ATRN: variants seen among roughly 807,000 people sequenced by gnomAD.
ATRN encodes the protein attractin, also known as attractin-2.
In ATRN, 54 loss-of-function variants were observed where a neutral mutation model predicts 178.7. That is an observed-to-expected ratio of 0.30 (90% CI 0.24 to 0.38). The LOEUF is 0.38. ATRN is among the 10% of genes least tolerant of loss of function. The pLI is 1.00. For synonymous variants in ATRN, 636 were observed against 663.0 expected, an observed-to-expected ratio of 0.96 and a Z score of 0.63; for missense variants, 1,443 against 1,815.1, an observed-to-expected ratio of 0.79 and a Z score of 3.73.
intron 1 of ATRN, among the ~76,000 whole-genome samples, chr20:3,473,769 T>A (rs1199870591): frequency 6.6e-6 from 1 of 152,128 alleles, no homozygotes; most frequent in Non-Finnish European, 1.5e-5. Context: ...GCAAGATCAA[T>A]CTGTAATGTT....
chr20:3,575,948 G>A lies in ATRN; in HGVS notation c.2214G>A (p.Gln738=). Residue 738 remains glutamine, a splice_region_variant and synonymous_variant, in exon 13 of 29, where the codon CAG becomes CAA. Transcript: ENST00000262919. The part of the protein sequence containing the change: ...VPRNHSCSEG[Q]ISIFRYENCP... ...GGAACCACAGCTGCTCAGAAGGCCA[G>A]GTCAGAGGCTGTTTCTTAAAGATTT... is the stretch of plus-strand genomic sequence containing the variant. 1 of 1,612,498 alleles carries A rather than the reference G, an allele frequency of 6.2e-7. No homozygotes were observed. The highest frequency in any genetic ancestry group is 8.5e-7 in the Non-Finnish European group (1 of 1,179,538).
At chr20:3,532,213 C>G (rs1487617352) in intron 1 of ATRN, among the ~76,000 whole-genome samples, 1 of 152,192 alleles carries the variant, frequency 6.6e-6, no homozygotes, top group Non-Finnish European at 1.5e-5. Flanking sequence ...GTGAAGTCCA[C>G]TGAAACTCTT....
intron 1 of ATRN, among the ~76,000 whole-genome samples, chr20:3,514,503 G>A (rs538742528): frequency 1.3e-5 from 2 of 152,298 alleles, no homozygotes; most frequent in African/African-American, 4.8e-5. Context: ...AGATAATCAT[G>A]ACCAAGTGGG....
intron 26 of ATRN, among the ~76,000 whole-genome samples, chr20:3,637,832 C>T (rs924957822): frequency 6.6e-6 from 1 of 152,176 alleles, no homozygotes; most frequent in East Asian, 1.9e-4. Flanking sequence ...TCACATCAAG[C>T]CTCCCTAAAT....
chr20:3,573,126 A>G (rs554959681), intron 12 of ATRN, among the ~76,000 whole-genome samples, 175 bp downstream of exon 12: 1 of 152,296 alleles, frequency 6.6e-6, no homozygotes, highest in East Asian at 1.9e-4. Flanking sequence ...AACATCTCGG[A>G]TGGGAACATG....
At chr20:3,520,084 C>T (rs1390609211) in intron 1 of ATRN, among the ~76,000 whole-genome samples, 2 of 152,060 alleles carry the variant, frequency 1.3e-5, no homozygotes, top group African/African-American at 4.8e-5. Flanking sequence ...AAAATTATAT[C>T]GTAATGGATG....
At chr20:3,576,695 GTCTATCTATCTATCTA>G (rs1555819445) in intron 13 of ATRN, among the ~76,000 whole-genome samples, 148 bp from the exon 14 acceptor site, 8 of 142,386 alleles carry the variant, frequency 5.6e-5, no homozygotes, top group Non-Finnish European at 1.1e-4. Flanking sequence ...CTGTCTGTCT[GTCTATCTATCTATCTA>G]TCTATCTATC....
chr20:3,495,811 C>T (rs1163143238), intron 1 of ATRN, among the ~76,000 whole-genome samples: 1 of 150,524 alleles, frequency 6.6e-6, no homozygotes, highest in Non-Finnish European at 1.5e-5. Flanking sequence ...TGGTATTGTA[C>T]ACTGTCATTT....
chr20:3,644,850 A>G (rs745790396), intron 28 of ATRN, among the ~76,000 whole-genome samples: 5 of 152,136 alleles, frequency 3.3e-5, no homozygotes, highest in Non-Finnish European at 5.9e-5. Flanking sequence ...CAACCCACCA[A>G]TTTTCATTGT....
intron 1 of ATRN, among the ~76,000 whole-genome samples, chr20:3,473,170 C>G (rs1294970442): frequency 6.6e-6 from 1 of 152,204 alleles, no homozygotes; most frequent in African/African-American, 2.4e-5. Context: ...CAGTCCTGCT[C>G]TTACGGAGCT....
At chr20:3,629,314 C>T (rs7267462) in intron 25 of ATRN, 23,897 of 984,780 alleles carry the variant, frequency 0.024, 1,385 homozygotes, top group African/African-American at 0.21. Flanking sequence ...GTCCGCTTTT[C>T]CATATTCAGC....
At chr20:3,612,171 T>C (rs1209723715) in intron 24 of ATRN, among the ~76,000 whole-genome samples, 1 of 152,086 alleles carries the variant, frequency 6.6e-6, no homozygotes, top group Non-Finnish European at 1.5e-5. Context: ...CATGGCCTAA[T>C]ACCCAGCAAC....
At chr20:3,568,612 G>A (rs537270576) in intron 11 of ATRN, among the ~76,000 whole-genome samples, 1 of 152,242 alleles carries the variant, frequency 6.6e-6, no homozygotes, top group East Asian at 1.9e-4. Context: ...ATTGCTCCTA[G>A]GGGAAATACA....
chr20:3,520,351 A>C (rs951085618), intron 1 of ATRN, among the ~76,000 whole-genome samples: 6 of 152,110 alleles, frequency 3.9e-5, no homozygotes, highest in African/African-American at 1.4e-4. Context: ...TTGTAGGGGA[A>C]ATGTTTGACA....
chr20:3,538,828 T>G (rs943156638), intron 2 of ATRN, among the ~76,000 whole-genome samples: 18 of 152,196 alleles, frequency 1.2e-4, no homozygotes, highest in African/African-American at 4.1e-4. Flanking sequence ...CTCCCACTTC[T>G]CATCTCTTAA....
At chr20:3,542,688 A>G (rs974252162) in intron 3 of ATRN, among the ~76,000 whole-genome samples, 1 of 147,834 alleles carries the variant, frequency 6.8e-6, no homozygotes, top group African/African-American at 2.5e-5. Context: ...GTGCAGAGGC[A>G]GGAACGTAGC....
At chr20:3,487,227 C>A (rs972839683) in intron 1 of ATRN, among the ~76,000 whole-genome samples, 2 of 151,816 alleles carry the variant, frequency 1.3e-5, no homozygotes, top group African/African-American at 2.4e-5. Context: ...TGCCTTTAAG[C>A]AATTTTAATT....
chr20:3,634,200 C>A, intron 25 of ATRN, 111 bp from the exon 26 acceptor site: 2 of 868,844 alleles, frequency 2.3e-6, no homozygotes, highest in Non-Finnish European at 3.7e-6. Flanking sequence ...CAGAAGGGAG[C>A]CCGGAGGTGG....
At position 3,549,175 on chromosome 20, in the gene ATRN, G is replaced by A. The variant is rs1028043917; in HGVS notation, c.949G>A (p.Gly317Arg). 9.4e-6 allele frequency: 15 copies of A among 1,600,188 alleles called. No homozygotes were observed. Among genetic ancestry groups the A allele is most frequent in the Non-Finnish European group, 1.3e-5 (15 of 1,175,264 alleles). The change falls in exon 6 of 29, where the codon GGA (glycine) becomes AGA (arginine). Residue 317 changes from glycine (G) to arginine (R), a missense_variant. By Grantham distance (125) the Gly-to-Arg change is moderately radical. This residue lies in a region of ATRN where 862 missense variants were observed against 972.1 expected (regional missense o/e 0.89). Coordinates refer to ENST00000262919, the MANE Select transcript of ATRN (RefSeq NM_139321.3). ...CSCFSDWQGP[G>R]CSVPVPANQS... ...ATTCATTATGTTTTTATTAGGTCCT[G>A]GATGTTCAGTTCCTGTACCAGCTAA...
Sources: gnomAD v4.1 joint callset for allele counts (sites outside exome capture counted in the v4.1 genomes callset) on GRCh38, gnomAD v4.1.1 for gene constraint, gnomAD v4.1.1 regional missense constraint, MANE v1.5 for transcripts, NCBI Gene and HGNC (gene_info 2026-07-23, HGNC 2026-07-21) for gene names.